U2SURP: variants seen among roughly 807,000 people sequenced by gnomAD.
The protein encoded by U2SURP is U2 snRNP-associated SURP motif-containing protein.
A neutral mutation model predicts 144.9 loss-of-function variants in U2SURP; 9 were observed. The observed-to-expected ratio is 0.06, with a 90% CI of 0.04 to 0.11. U2SURP has a LOEUF of 0.11. Ranked by LOEUF, U2SURP falls within the 10% of genes least tolerant of loss-of-function variation. The pLI is 1.00. For missense variants in U2SURP, 724 were observed against 1,226.7 expected, an observed-to-expected ratio of 0.59 and a Z score of 6.12; for synonymous variants, 408 against 396.8, an observed-to-expected ratio of 1.03 and a Z score of -0.33.
intron 13 of U2SURP, chr3:143,025,822 T>G (rs1037109076): frequency 2.6e-5 from 4 of 152,122 alleles, no homozygotes; most frequent in Non-Finnish European, 4.4e-5. Context: ...TATGGAGAGA[T>G]TTCATTTTAA....
chr3:143,012,155 A>G (rs1204298176), intron 2 of U2SURP, 67 bp from the exon 3 acceptor site: 13 of 1,545,494 alleles, frequency 8.4e-6, no homozygotes, highest in East Asian at 2.3e-5. Flanking sequence ...GCTTATTCCT[A>G]GTTTTCAGTG....
intron 1 of U2SURP, among the ~76,000 whole-genome samples, chr3:143,007,334 G>A (rs1010805334): frequency 4.6e-5 from 7 of 150,878 alleles, no homozygotes; most frequent in African/African-American, 1.5e-4. Flanking sequence ...TGTTGCCCAG[G>A]CTGGTCTTGA....
At position 143,054,964 on chromosome 3, in the gene U2SURP, C is replaced by G; in HGVS notation, c.2796C>G (p.Ser932=). 6.2e-7 allele frequency: 1 copy of G among 1,608,608 alleles called. No homozygotes were observed. Among genetic ancestry groups the G allele is most frequent in the Non-Finnish European group, 8.5e-7 (1 of 1,177,894 alleles). Residue 932 remains serine (S), a synonymous_variant, in exon 27 of 28, where the codon TCC becomes TCG. Coordinates refer to ENST00000473835, the MANE Select transcript of U2SURP (RefSeq NM_001080415.2). Reference sequence around the variant, plus strand: ...ATAGGAAGAGGCGACACAGTACATCCCCCAGCCCATCTCGCAGTAGCAGTG... The same window carrying G: ...ATAGGAAGAGGCGACACAGTACATCGCCCAGCCCATCTCGCAGTAGCAGTG... ...RKERKRRHST[S]PSPSRSSSGR... is the part of the protein sequence containing the mutation.
At chr3:143,013,051 AT>A (rs528617048) in intron 3 of U2SURP, among the ~76,000 whole-genome samples, 15 of 151,874 alleles carry the variant, frequency 9.9e-5, no homozygotes, top group African/African-American at 1.9e-4. Flanking sequence ...TTAGTTATAA[AT>A]TTTTTTTCAT....
intron 7 of U2SURP, among the ~76,000 whole-genome samples, chr3:143,020,294 A>G (rs781406981): frequency 6.6e-6 from 1 of 152,240 alleles, no homozygotes; most frequent in Non-Finnish European, 1.5e-5. Context: ...CAGTGGAAAC[A>G]GTATACTCAC....
chr3:143,033,235 T>C (rs1366783848), intron 17 of U2SURP, 36 bp from the exon 18 acceptor site: 1 of 1,267,876 alleles, frequency 7.9e-7, no homozygotes, highest in Non-Finnish European at 1.1e-6. Context: ...ATTAGCCTTA[T>C]ATTAACCTAT....
At chr3:143,024,101 A>T in intron 13 of U2SURP, 83 bp downstream of exon 13, 1 of 1,311,818 alleles carries the variant, frequency 7.6e-7, no homozygotes, top group Non-Finnish European at 1.1e-6. Flanking sequence ...GTTGAGGAAA[A>T]GGTAGTATCT....
rs1321849464 is a variant in U2SURP, at chr3:143,027,194, T to G, written c.1320T>G (p.Arg440=). ...LIHRMIEFVV[R]EGPMFEAMIM... Reference sequence around the variant, plus strand: ...ATCGAATGATAGAGTTTGTTGTACGTGAAGGGCCAATGTTTGAAGCTATGA... The same window carrying G: ...ATCGAATGATAGAGTTTGTTGTACGGGAAGGGCCAATGTTTGAAGCTATGA... The change falls in exon 14 of 28, where the codon CGT becomes CGG. Residue 440 remains arginine (R), a synonymous_variant. Transcript: ENST00000473835. 13 of 1,612,960 alleles carry G rather than the reference T, an allele frequency of 8.1e-6. No homozygotes were observed. Among genetic ancestry groups the G allele is most frequent in the Non-Finnish European group, 1.1e-5 (13 of 1,179,242 alleles).
intron 1 of U2SURP, among the ~76,000 whole-genome samples, chr3:143,005,628 G>C (rs1305563962): frequency 2.0e-5 from 3 of 152,198 alleles, no homozygotes; most frequent in Admixed American, 6.5e-5. Flanking sequence ...GAATATGCCT[G>C]TTGGTATGGT....
chr3:143,032,658 ATG>A (rs1261503697), intron 16 of U2SURP, 124 bp from the exon 17 acceptor site: 1 of 772,018 alleles, frequency 1.3e-6, no homozygotes, highest in Non-Finnish European at 2.0e-6. Flanking sequence ...ATCAGACTGA[ATG>A]TATTACAGTC....
intron 24 of U2SURP, among the ~76,000 whole-genome samples, chr3:143,046,508 G>A (rs1934467468): frequency 8.9e-6 from 1 of 111,860 alleles, no homozygotes; most frequent in Non-Finnish European, 1.8e-5. Context: ...TGAGATTAGG[G>A]AGTGGTGATG....
chr3:143,032,624 A>G (rs6797380), intron 16 of U2SURP, among the ~76,000 whole-genome samples, 160 bp from the exon 17 acceptor site: 5,865 of 152,282 alleles, frequency 0.039, 327 homozygotes, highest in African/African-American at 0.13. Context: ...AAAAATTGTA[A>G]CAATTTTGGG....
chr3:143,020,183 GCTAT>G, intron 7 of U2SURP, 147 bp downstream of exon 7: 1 of 537,016 alleles, frequency 1.9e-6, no homozygotes, highest in Non-Finnish European at 3.1e-6. Context: ...TATTTGGTGG[GCTAT>G]CTTTGAAAAT....
chr3:143,023,117 G>A (rs1249250577), intron 12 of U2SURP, 53 bp downstream of exon 12: 1 of 1,411,994 alleles, frequency 7.1e-7, no homozygotes, highest in Admixed American at 2.6e-5. Flanking sequence ...TACTAAAGCT[G>A]TGGTAGTATT....
chr3:143,014,479 G>A, intron 4 of U2SURP, 70 bp downstream of exon 4: 1 of 1,064,400 alleles, frequency 9.4e-7, no homozygotes, highest in Non-Finnish European at 1.3e-6. Flanking sequence ...AAGTGTATTA[G>A]AGGAATGTTT....
At chr3:143,020,774 A>G (rs1936590454) in intron 8 of U2SURP, 81 bp downstream of exon 8, 2 of 1,045,140 alleles carry the variant, frequency 1.9e-6, no homozygotes, top group Non-Finnish European at 2.9e-6. Flanking sequence ...TTACATTCCA[A>G]GGATCACCAG....
chr3:143,030,826 G>A (rs1337122140), intron 16 of U2SURP, among the ~76,000 whole-genome samples: 7 of 152,078 alleles, frequency 4.6e-5, no homozygotes, highest in African/African-American at 1.7e-4. Flanking sequence ...CAGGAGGATA[G>A]CATGAGGCCA....
chr3:143,046,405 G>A lies in U2SURP; in HGVS notation c.2544+3129G>A, dbSNP rs1284331335. Among the ~76,000 whole-genome samples the A allele has an allele frequency of 5.8e-5, 8 of 137,944 alleles. No individual in the cohort carries two copies. In the South Asian group the frequency reaches 1.7e-3, roughly 28 times the overall value. The allele number at this position is 137,944 out of a possible 152,430, so 90.5% of individuals were successfully genotyped here. ...CAGGGTCATAGGACAATAGTGGAGG[G>A]AAGGTCAGCAGATAAACAAGTGAAC... On this transcript the variant is annotated intron_variant, in intron 24 of 27. Transcript: ENST00000473835.
chr3:143,052,166 A>G (rs1335481197), intron 25 of U2SURP, among the ~76,000 whole-genome samples: 1 of 152,130 alleles, frequency 6.6e-6, no homozygotes, highest in Non-Finnish European at 1.5e-5. Flanking sequence ...CAATCACCTC[A>G]GGCAAATCAC....
Sources: gnomAD v4.1 joint callset for allele counts (sites outside exome capture counted in the v4.1 genomes callset) on GRCh38, gnomAD v4.1.1 for gene constraint, MANE v1.5 for transcripts, NCBI Gene and HGNC (gene_info 2026-07-23, HGNC 2026-07-21) for gene names.